DOCK8: variants seen among roughly 807,000 people sequenced by gnomAD.
DOCK8 encodes dedicator of cytokinesis protein 8.
DOCK8 carries 141 observed loss-of-function variants against 245.6 expected under a neutral mutation model. That is an observed-to-expected ratio of 0.57 (90% CI 0.50 to 0.66). The LOEUF is 0.66. DOCK8 is among the 30% of genes least tolerant of loss of function. The probability of loss-of-function intolerance (pLI) is 0.00; values close to 1 mark genes in which losing one functional copy is unlikely to be tolerated. For synonymous variants in DOCK8, 1,168 were observed against 970.2 expected, an observed-to-expected ratio of 1.20 and a Z score of -3.79; for missense variants, 2,965 against 2,603.4, an observed-to-expected ratio of 1.14 and a Z score of -3.02.
chr9:441,202 A>C (rs901729897), intron 40 of DOCK8, 84 bp from the exon 41 acceptor site: 1 of 1,580,584 alleles, frequency 6.3e-7, no homozygotes, highest in African/African-American at 1.3e-5. Context: ...TCTCCAGCAC[A>C]TTGTTTGGAC....
At chr9:221,965 G>C (rs987391710) in intron 1 of DOCK8, among the ~76,000 whole-genome samples, 1 of 151,550 alleles carries the variant, frequency 6.6e-6, no homozygotes, top group Non-Finnish European at 1.5e-5. Flanking sequence ...CATGAAGATA[G>C]GTTCCAGGCT....
intron 2 of DOCK8, among the ~76,000 whole-genome samples, chr9:283,650 CTTTCTG>C (rs2130233662): frequency 6.6e-6 from 1 of 152,248 alleles, no homozygotes. Flanking sequence ...TGATATCTGT[CTTTCTG>C]TTTCTGAGTT....
intron 32 of DOCK8, among the ~76,000 whole-genome samples, chr9:421,388 C>T (rs992714053): frequency 6.6e-6 from 1 of 152,116 alleles, no homozygotes; most frequent in Non-Finnish European, 1.5e-5. Context: ...GTGTTTCCCT[C>T]AAGGCTGAGG....
At chr9:385,830 G>T (rs975309688) in intron 22 of DOCK8, among the ~76,000 whole-genome samples, 1 of 152,102 alleles carries the variant, frequency 6.6e-6, no homozygotes, top group African/African-American at 2.4e-5. Context: ...TTAATAAAAT[G>T]AAAATATTAA....
intron 7 of DOCK8, among the ~76,000 whole-genome samples, chr9:319,125 C>T (rs1038349146): frequency 1.3e-5 from 2 of 151,218 alleles, no homozygotes; most frequent in African/African-American, 4.9e-5. Flanking sequence ...AGTGAGACCC[C>T]CTCTCTACCA....
At chr9:365,354 TATC>T (rs1479813103) in intron 14 of DOCK8, among the ~76,000 whole-genome samples, 2 of 152,170 alleles carry the variant, frequency 1.3e-5, no homozygotes, top group African/African-American at 4.8e-5. Context: ...AGGAAATAAT[TATC>T]ATAATAACTA....
At chr9:234,515 C>T (rs927823493) in intron 1 of DOCK8, among the ~76,000 whole-genome samples, 1 of 152,220 alleles carries the variant, frequency 6.6e-6, no homozygotes, top group South Asian at 2.1e-4. Flanking sequence ...TCCATTCTCC[C>T]TGTCACTTTC....
intron 28 of DOCK8, among the ~76,000 whole-genome samples, chr9:413,870 G>A (rs965811603): frequency 9.2e-5 from 14 of 152,198 alleles, no homozygotes; most frequent in African/African-American, 3.1e-4. Flanking sequence ...CTGGGCGCTC[G>A]GCGGCTCACG....
intron 14 of DOCK8, among the ~76,000 whole-genome samples, chr9:341,038 A>G (rs922421148): frequency 6.6e-6 from 1 of 152,270 alleles, no homozygotes; most frequent in African/African-American, 2.4e-5. Flanking sequence ...CAGCAATAAC[A>G]TAATAATAGC....
chr9:360,554 A>G (rs779433290), intron 14 of DOCK8, among the ~76,000 whole-genome samples: 4 of 152,220 alleles, frequency 2.6e-5, no homozygotes, highest in Non-Finnish European at 5.9e-5. Context: ...GGTTAAACTC[A>G]GAAGAGTTGC....
chr9:306,122 C>T (rs943402398), intron 5 of DOCK8, among the ~76,000 whole-genome samples: 4 of 152,164 alleles, frequency 2.6e-5, no homozygotes, highest in Non-Finnish European at 5.9e-5. Context: ...TTCAAGTTTG[C>T]ACAGAACTTC....
chr9:429,884 G>C (rs1219912602), intron 36 of DOCK8, 30 bp downstream of exon 36: 1 of 1,612,326 alleles, frequency 6.2e-7, no homozygotes, highest in Non-Finnish European at 8.5e-7. Flanking sequence ...GAGTGACCTG[G>C]AATCAGTAGA....
At chr9:311,575 C>A (rs1352599429) in intron 5 of DOCK8, among the ~76,000 whole-genome samples, 1 of 152,102 alleles carries the variant, frequency 6.6e-6, no homozygotes, top group African/African-American at 2.4e-5. Context: ...GTTACAACTT[C>A]CTCCAGCTCT....
chr9:242,812 T>A (rs1219806879), intron 1 of DOCK8, among the ~76,000 whole-genome samples: 1 of 143,878 alleles, frequency 7.0e-6, no homozygotes, highest in Non-Finnish European at 1.6e-5. Flanking sequence ...TTGAGCTTGT[T>A]TTTTTTTTTT....
chr9:290,665 T>A (rs752018685), intron 4 of DOCK8, among the ~76,000 whole-genome samples: 3 of 152,154 alleles, frequency 2.0e-5, no homozygotes, highest in Non-Finnish European at 4.4e-5. Flanking sequence ...CCTGCATGGG[T>A]GTACCTGTTG....
At chr9:253,538 A>G (rs181610451) in intron 1 of DOCK8, among the ~76,000 whole-genome samples, 2 of 152,294 alleles carry the variant, frequency 1.3e-5, no homozygotes, top group African/African-American at 4.8e-5. Flanking sequence ...TGCCTTGCCT[A>G]CTTCATTGGA....
At chr9:301,662 A>C (rs1014098781) in intron 4 of DOCK8, among the ~76,000 whole-genome samples, 1 of 152,262 alleles carries the variant, frequency 6.6e-6, no homozygotes. Flanking sequence ...TTCAGGATAC[A>C]AAATCAATGT....
At chr9:240,929 C>A (rs1241260468) in intron 1 of DOCK8, among the ~76,000 whole-genome samples, 1 of 151,432 alleles carries the variant, frequency 6.6e-6, no homozygotes, top group Non-Finnish European at 1.5e-5. Flanking sequence ...AATTACCATA[C>A]ACATGTTTAA....
At chr9:276,863 C>G (rs1586573009) in intron 2 of DOCK8, 1 of 183,004 alleles carries the variant, frequency 5.5e-6, no homozygotes, top group Non-Finnish European at 1.2e-5. Context: ...GGCTGGAGTG[C>G]AGTGGTACAA....
Sources: allele counts gnomAD v4.1 joint callset (sites outside exome capture counted in the v4.1 genomes callset), GRCh38; gene constraint gnomAD v4.1.1; transcripts MANE v1.5; gene names NCBI Gene and HGNC (gene_info 2026-07-23, HGNC 2026-07-21).